Variants in LRRTM4 observed in about 807,000 individuals in gnomAD.
LRRTM4 encodes leucine-rich repeat transmembrane neuronal protein 4.
A neutral mutation model predicts 47.6 loss-of-function variants in LRRTM4; 25 were observed. That is an observed-to-expected ratio of 0.53 (90% CI 0.38 to 0.73). LRRTM4 has a LOEUF of 0.73. Ranked by LOEUF, LRRTM4 falls within the 30% of genes least tolerant of loss-of-function variation. The pLI, the probability that LRRTM4 is intolerant of heterozygous loss-of-function variation, is 0.00. For missense variants in LRRTM4, 638 were observed against 713.4 expected, an observed-to-expected ratio of 0.89 and a Z score of 1.20; for synonymous variants, 311 against 269.5, an observed-to-expected ratio of 1.15 and a Z score of -1.51.
At chr2:77,417,856 A>T (rs1224232587) in intron 3 of LRRTM4, among the ~76,000 whole-genome samples, 1 of 152,154 alleles carries the variant, frequency 6.6e-6, no homozygotes, top group Non-Finnish European at 1.5e-5. Context: ...GCACATGTAT[A>T]CATATGTAAC....
chr2:76,797,484 A>T (rs895335625), intron 3 of LRRTM4, among the ~76,000 whole-genome samples: 2 of 152,154 alleles, frequency 1.3e-5, no homozygotes, highest in African/African-American at 4.8e-5. Flanking sequence ...ATGGAAAGGA[A>T]CAACCGGTAT....
chr2:77,430,865 C>T (rs1675345755), intron 3 of LRRTM4, among the ~76,000 whole-genome samples: 1 of 148,422 alleles, frequency 6.7e-6, no homozygotes, highest in African/African-American at 2.6e-5. Context: ...GGAAGATCTG[C>T]TCTCAGTGGG....
chr2:77,341,261 C>A (rs1265784516), intron 3 of LRRTM4, among the ~76,000 whole-genome samples: 1 of 151,874 alleles, frequency 6.6e-6, no homozygotes, highest in Non-Finnish European at 1.5e-5. Flanking sequence ...AATCTATGAT[C>A]AAATTTTCCT....
At chr2:77,113,020 C>T (rs1207740923) in intron 3 of LRRTM4, among the ~76,000 whole-genome samples, 1 of 152,070 alleles carries the variant, frequency 6.6e-6, no homozygotes, top group African/African-American at 2.4e-5. Flanking sequence ...TCATTGTGAC[C>T]TTGTTTAACA....
intron 3 of LRRTM4, among the ~76,000 whole-genome samples, chr2:76,775,762 A>AT (rs1031935268): frequency 9.2e-5 from 14 of 151,580 alleles, no homozygotes; most frequent in African/African-American, 2.7e-4. Context: ...TTTTAAATTT[A>AT]TTTTTTTATT....
chr2:76,843,636 CATG>C (rs1671752475), intron 3 of LRRTM4, among the ~76,000 whole-genome samples: 1 of 152,226 alleles, frequency 6.6e-6, no homozygotes. Flanking sequence ...TTTAGAATTA[CATG>C]ATGGACAATA....
intron 3 of LRRTM4, among the ~76,000 whole-genome samples, chr2:77,370,224 A>C (rs1672609774): frequency 6.6e-6 from 1 of 151,572 alleles, no homozygotes; most frequent in South Asian, 2.1e-4. Flanking sequence ...GTTACTTACA[A>C]CCTGGCATTT....
chr2:77,508,734 T>C (rs1312950338), intron 3 of LRRTM4, among the ~76,000 whole-genome samples: 1 of 152,082 alleles, frequency 6.6e-6, no homozygotes, highest in Non-Finnish European at 1.5e-5. Context: ...TTTCTACAAA[T>C]ATAAGAGCTT....
In LRRTM4 at chr2:77,050,128, CTTT is replaced by C. The variant is rs745419725; in HGVS notation, c.1552-301215_1552-301213del. On this transcript the variant is annotated intron_variant, in intron 3 of 3. Coordinates refer to ENST00000409884, the MANE Select transcript of LRRTM4 (RefSeq NM_001134745.3). ...CAGATGTGTTTTGTTAGAACCAAGT[CTTT>C]TTTTTTTTTTTTTTTGCTTTGATTT... Among the ~76,000 whole-genome samples, 884 of 112,684 alleles carry C rather than the reference CTTT, an allele frequency of 7.8e-3. 9 individuals carry two copies. The highest frequency in any genetic ancestry group is 0.029 in the African/African-American group (836 of 28,600). The allele number at this position is 112,684 out of a possible 152,430, so 73.9% of individuals were successfully genotyped here.
In LRRTM4 at chr2:77,428,699, A is replaced by T. The variant is rs150254722; in HGVS notation, c.1551+89619T>A. Among the ~76,000 whole-genome samples the T allele has an allele frequency of 4.7e-3, 722 of 152,364 alleles. 4 individuals are homozygous for T. Among genetic ancestry groups the T allele is most frequent in the Non-Finnish European group, 7.8e-3 (531 of 68,036 alleles). ...CCTGTGTATTGTCAATAGAAAACACAGATAAGGCCATTCATTAACGGAAGA... is the reference window on the plus strand; with the variant it reads ...CCTGTGTATTGTCAATAGAAAACACTGATAAGGCCATTCATTAACGGAAGA... On this transcript the variant is annotated intron_variant, in intron 3 of 3. Transcript: ENST00000409884.
intron 3 of LRRTM4, among the ~76,000 whole-genome samples, chr2:77,384,778 A>G (rs1337422150): frequency 6.6e-6 from 1 of 152,134 alleles, no homozygotes; most frequent in African/African-American, 2.4e-5. Context: ...ACCATTGTTG[A>G]TGGAACAACA....
intron 3 of LRRTM4, among the ~76,000 whole-genome samples, chr2:77,039,667 C>A (rs1678959238): frequency 2.0e-5 from 3 of 151,116 alleles, no homozygotes; most frequent in African/African-American, 7.3e-5. Context: ...TAATGTAATA[C>A]CATCTTGTGT....
In LRRTM4 at chr2:77,085,377, AC is replaced by A. The variant is rs1272050661; in HGVS notation, c.1552-336462del. On this transcript the variant is annotated intron_variant, in intron 3 of 3. Coordinates refer to ENST00000409884, the MANE Select transcript of LRRTM4 (RefSeq NM_001134745.3). Reference sequence around the variant, plus strand: ...AAATACATTCAACTGGCAATCCCTCACTTTTTTTTTTTTTTGCCTGTTTTAA... The same window carrying A: ...AAATACATTCAACTGGCAATCCCTCATTTTTTTTTTTTTTGCCTGTTTTAA... 9.5e-5 allele frequency among the ~76,000 whole-genome samples: 13 copies of A among 136,380 alleles called. 1 individual carries two copies. The East Asian group carries it at 1.3e-3, about 14-fold the overall frequency. The allele number at this position is 136,380 out of a possible 152,430, so 89.5% of individuals were successfully genotyped here.
At chr2:76,994,299 AAAC>A (rs1677118915) in intron 3 of LRRTM4, among the ~76,000 whole-genome samples, 1 of 152,000 alleles carries the variant, frequency 6.6e-6, no homozygotes, top group South Asian at 2.1e-4. Context: ...TTATAAAAAT[AAAC>A]AATTGAGAAA....
At chr2:77,124,459 C>G (rs1018976211) in intron 3 of LRRTM4, among the ~76,000 whole-genome samples, 4 of 152,054 alleles carry the variant, frequency 2.6e-5, no homozygotes, top group African/African-American at 9.7e-5. Flanking sequence ...TAAATTTTGG[C>G]ACAGAGCAGC....
intron 3 of LRRTM4, among the ~76,000 whole-genome samples, chr2:77,484,298 T>C (rs1354964726): frequency 6.6e-6 from 1 of 152,226 alleles, no homozygotes. Context: ...CTAATGTATC[T>C]GATATATTCA....
intron 3 of LRRTM4, among the ~76,000 whole-genome samples, chr2:76,833,713 T>C (rs1000167519): frequency 6.6e-6 from 1 of 151,950 alleles, no homozygotes; most frequent in Non-Finnish European, 1.5e-5. Flanking sequence ...AATCTCATAA[T>C]TGTAAAATAT....
At chr2:77,401,279 T>C (rs1673941812) in intron 3 of LRRTM4, among the ~76,000 whole-genome samples, 1 of 151,956 alleles carries the variant, frequency 6.6e-6, no homozygotes, top group African/African-American at 2.4e-5. Context: ...GGGATTCTTA[T>C]GCAGACTAAC....
At chr2:76,947,419 G>A (rs551520531) in intron 3 of LRRTM4, among the ~76,000 whole-genome samples, 1 of 151,740 alleles carries the variant, frequency 6.6e-6, no homozygotes, top group Non-Finnish European at 1.5e-5. Flanking sequence ...TTCTTATGAG[G>A]AATAGTCATT....
Sources: gnomAD v4.1 joint callset for allele counts (sites outside exome capture counted in the v4.1 genomes callset) on GRCh38, gnomAD v4.1.1 for gene constraint, MANE v1.5 for transcripts, NCBI Gene and HGNC (gene_info 2026-07-23, HGNC 2026-07-21) for gene names.